Variants in UBASH3B observed in about 807,000 individuals in gnomAD.
UBASH3B encodes the protein ubiquitin associated and SH3 domain containing B.
A neutral mutation model predicts 83.4 loss-of-function variants in UBASH3B; 37 were observed. The observed-to-expected ratio is 0.44, with a 90% CI of 0.34 to 0.58. The LOEUF is 0.58. UBASH3B is among the 20% of genes least tolerant of loss of function. UBASH3B has a pLI of 0.01. For missense variants in UBASH3B, 657 were observed against 827.2 expected (o/e 0.79, Z 2.52); for synonymous variants, 304 against 318.3 (o/e 0.96, Z 0.48).
At chr11:122,792,233 C>T (rs547123485) in intron 6 of UBASH3B, among the ~76,000 whole-genome samples, 4 of 151,496 alleles carry the variant, frequency 2.6e-5, no homozygotes, top group Non-Finnish European at 4.4e-5. Context: ...TGTACAAGAA[C>T]GATTCTAGGT....
Position 122,806,847 on chromosome 11 carries a change from G to T in UBASH3B, c.1702+331G>T, listed in dbSNP as rs1293887394. Among the ~76,000 whole-genome samples, 1 of 151,958 alleles carries T rather than the reference G, an allele frequency of 6.6e-6. No individual in the cohort carries two copies. The highest frequency in any genetic ancestry group is 1.5e-5 in the Non-Finnish European group (1 of 68,024). On this transcript the variant is annotated intron_variant, in intron 12 of 13. Coordinates refer to ENST00000284273, the MANE Select transcript of UBASH3B (RefSeq NM_032873.5). This position sits in a 1 kb window ranked among gnomAD's most constrained non-coding sequence, Gnocchi z 4.0. ...CTGTTTTGCCTATAATTGATGCAGCGGCATGCACACCTACACACAGCACAC... is the reference window on the plus strand; with the variant it reads ...CTGTTTTGCCTATAATTGATGCAGCTGCATGCACACCTACACACAGCACAC...
At chr11:122,735,993 G>A (rs1860925964) in intron 1 of UBASH3B, among the ~76,000 whole-genome samples, 1 of 152,210 alleles carries the variant, frequency 6.6e-6, no homozygotes, top group Non-Finnish European at 1.5e-5. Flanking sequence ...TGATAGCAAT[G>A]TGGATGGTGT....
chr11:122,701,262 A>G (rs1221847504), intron 1 of UBASH3B, among the ~76,000 whole-genome samples: 3 of 152,222 alleles, frequency 2.0e-5, no homozygotes, highest in Admixed American at 2.0e-4. Flanking sequence ...ACAGTAGGCA[A>G]TGTTCTAATT....
At chr11:122,742,264 G>T (rs935622029) in intron 1 of UBASH3B, among the ~76,000 whole-genome samples, 1 of 152,180 alleles carries the variant, frequency 6.6e-6, no homozygotes, top group Non-Finnish European at 1.5e-5. Context: ...GGACAGTATT[G>T]CAGACAGGAG....
intron 5 of UBASH3B, among the ~76,000 whole-genome samples, chr11:122,785,743 CT>C (rs1281040438): frequency 3.3e-5 from 5 of 152,168 alleles, no homozygotes; most frequent in African/African-American, 1.2e-4. Context: ...ATCTCCAGTC[CT>C]TAGTTTTCTC....
intron 1 of UBASH3B, among the ~76,000 whole-genome samples, chr11:122,698,215 T>G (rs1306053531): frequency 6.6e-6 from 1 of 152,154 alleles, no homozygotes; most frequent in African/African-American, 2.4e-5. Context: ...TCCTCTGTCG[T>G]ATTAGATGAA....
chr11:122,657,209 G>A (rs1387639916), intron 1 of UBASH3B, among the ~76,000 whole-genome samples: 1 of 152,242 alleles, frequency 6.6e-6, no homozygotes, highest in Admixed American at 6.5e-5. Context: ...AGGAGAGTTG[G>A]CCAAACTTAA....
chr11:122,697,060 A>G (rs1863973686), intron 1 of UBASH3B, among the ~76,000 whole-genome samples: 1 of 152,192 alleles, frequency 6.6e-6, no homozygotes, highest in Non-Finnish European at 1.5e-5. Context: ...TTGGGGATAC[A>G]TCAGTAATCT....
intron 1 of UBASH3B, among the ~76,000 whole-genome samples, chr11:122,698,848 TTTTA>T (rs777454425): frequency 6.6e-6 from 1 of 152,028 alleles, no homozygotes; most frequent in African/African-American, 2.4e-5. Flanking sequence ...TATACTGGGA[TTTTA>T]TTTATTTATT....
intron 1 of UBASH3B, among the ~76,000 whole-genome samples, chr11:122,725,859 A>G (rs1020132283): frequency 2.6e-5 from 4 of 151,352 alleles, no homozygotes; most frequent in African/African-American, 7.3e-5. Flanking sequence ...ACGCCGGCCA[A>G]TTTTTTCTAT....
chr11:122,695,602 T>C (rs1863956146), intron 1 of UBASH3B, among the ~76,000 whole-genome samples: 1 of 152,214 alleles, frequency 6.6e-6, no homozygotes, highest in African/African-American at 2.4e-5. Context: ...TTTTTTTCTT[T>C]TCTTTTTTAC....
chr11:122,802,313 G>GAAAAAAAAAAAAAAAAAAAAAAA (rs147011358), intron 11 of UBASH3B, among the ~76,000 whole-genome samples: 1 of 66,220 alleles, frequency 1.5e-5, no homozygotes, highest in Non-Finnish European at 3.1e-5. Context: ...GACTCTGTCT[G>GAAAAAAAAAAAAAAAAAAAAAAA]AAAAAAAAAA....
At chr11:122,668,684 G>A (rs886783020) in intron 1 of UBASH3B, among the ~76,000 whole-genome samples, 5 of 152,174 alleles carry the variant, frequency 3.3e-5, no homozygotes, top group African/African-American at 9.7e-5. Context: ...GGTTTTGAAC[G>A]TTATTTCTAT....
At chr11:122,672,299 A>C (rs1354377173) in intron 1 of UBASH3B, among the ~76,000 whole-genome samples, 2 of 151,988 alleles carry the variant, frequency 1.3e-5, no homozygotes, top group Non-Finnish European at 2.9e-5. Context: ...AGGGCTGTCA[A>C]CTGAAAAACG....
At chr11:122,743,789 G>T (rs1303825042) in intron 1 of UBASH3B, among the ~76,000 whole-genome samples, 1 of 152,200 alleles carries the variant, frequency 6.6e-6, no homozygotes, top group Non-Finnish European at 1.5e-5. Flanking sequence ...GGCCTGAGGG[G>T]CAAGGTGGCG....
In UBASH3B at chr11:122,813,339, T is replaced by C. The variant is rs1861482442; in HGVS notation, c.*3453T>C. Reference sequence around the variant, plus strand: ...GAACAGCTACAGTAAAAGAAGTTCCTATCTCATTGCCTTTGTGGAAAGGCT... The same window carrying C: ...GAACAGCTACAGTAAAAGAAGTTCCCATCTCATTGCCTTTGTGGAAAGGCT... On this transcript the variant is annotated 3_prime_UTR_variant, in exon 14 of 14. Transcript: ENST00000284273. 1 of 152,234 alleles carries C rather than the reference T, an allele frequency of 6.6e-6. No homozygotes were observed. Among genetic ancestry groups the C allele is most frequent in the Admixed American group, 6.5e-5 (1 of 15,276 alleles). 9.4% of individuals were successfully genotyped at this position (152,234 alleles called of 1,614,324 possible). A position where few individuals can be genotyped will look rare whatever the true frequency, so the allele number is the denominator to read the frequency against.
intron 1 of UBASH3B, among the ~76,000 whole-genome samples, chr11:122,673,056 G>A (rs1329475557): frequency 2.0e-5 from 3 of 152,240 alleles, no homozygotes; most frequent in Non-Finnish European, 2.9e-5. Context: ...CTCAGCATTC[G>A]CTGGTTGGGC....
At chr11:122,694,224 A>G (rs528260167) in intron 1 of UBASH3B, among the ~76,000 whole-genome samples, 219 of 152,262 alleles carry the variant, frequency 1.4e-3, no homozygotes, top group African/African-American at 5.2e-3. Context: ...TATGAGAGCT[A>G]TAGGCCTTAG....
At chr11:122,779,257 T>G in intron 3 of UBASH3B, 1 of 573,532 alleles carries the variant, frequency 1.7e-6, no homozygotes. Context: ...CGGGGGCCAC[T>G]TCACAGCAAG....
Sources: gnomAD v4.1 joint callset for allele counts (sites outside exome capture counted in the v4.1 genomes callset) on GRCh38, gnomAD v4.1.1 for gene constraint, Gnocchi (gnomAD v3.1) non-coding constraint, MANE v1.5 for transcripts, NCBI Gene and HGNC (gene_info 2026-07-23, HGNC 2026-07-21) for gene names.